Variants in INPP5A observed in about 807,000 individuals in gnomAD.
INPP5A encodes the protein inositol polyphosphate-5-phosphatase A, also known as 43 kDa inositol polyphosphate 5-phophatase.
In INPP5A, 14 loss-of-function variants were observed where a neutral mutation model predicts 65.2. That is an observed-to-expected ratio of 0.21 (90% confidence interval 0.14 to 0.34). The LOEUF (loss-of-function observed/expected upper bound fraction) is 0.34, where lower values mean the gene tolerates loss of function less well. Ranked by LOEUF, INPP5A falls within the 10% of genes least tolerant of loss-of-function variation. INPP5A has a pLI of 1.00. For synonymous variants in INPP5A, 207 were observed against 208.3 expected (o/e 0.99, Z 0.05); for missense variants, 431 against 545.6 (o/e 0.79, Z 2.09).
At chr10:132,619,396 C>T (rs1449179591) in intron 2 of INPP5A, among the ~76,000 whole-genome samples, 3 of 152,210 alleles carry the variant, frequency 2.0e-5, no homozygotes, top group African/African-American at 7.2e-5. Flanking sequence ...ATGGCCTTGA[C>T]CAGCTCTGCC....
chr10:132,662,446 T>C (rs147739416), intron 4 of INPP5A, among the ~76,000 whole-genome samples: 144 of 152,324 alleles, frequency 9.5e-4, no homozygotes, highest in African/African-American at 3.3e-3. Flanking sequence ...CACCGTGGTG[T>C]GTCAGCTGTC....
rs1328141107 is a variant in INPP5A, at chr10:132,616,880, G to A, written c.117+8924G>A. On this transcript the variant is annotated intron_variant, in intron 2 of 15. Coordinates refer to ENST00000368594, the MANE Select transcript of INPP5A (RefSeq NM_005539.5). The surrounding 1 kb of genome is among the most constrained non-coding windows in gnomAD (Gnocchi z 4.9). ...CAGGAGCTCCTGGGCAGTCTGTTCT[G>A]GGAGTGAGGATGTTTGGGGGTTGTG... Among the ~76,000 whole-genome samples the A allele has an allele frequency of 6.6e-6, 1 of 152,084 alleles. No homozygotes were observed. The highest frequency in any genetic ancestry group is 6.5e-5 in the Admixed American group (1 of 15,276).
intron 5 of INPP5A, among the ~76,000 whole-genome samples, chr10:132,695,254 A>G (rs1845327616): frequency 6.6e-6 from 1 of 152,206 alleles, no homozygotes; most frequent in African/African-American, 2.4e-5. Context: ...TCACATGATC[A>G]TAGGATAGAT....
chr10:132,685,628 A>G (rs188546149), intron 4 of INPP5A, among the ~76,000 whole-genome samples: 3 of 152,380 alleles, frequency 2.0e-5, no homozygotes, highest in African/African-American at 4.8e-5. Flanking sequence ...GGCATTTCCA[A>G]TGGCAGCTTT....
At chr10:132,695,502 A>T (rs926194594) in intron 5 of INPP5A, among the ~76,000 whole-genome samples, 17 of 152,232 alleles carry the variant, frequency 1.1e-4, no homozygotes, top group Admixed American at 6.5e-5. Flanking sequence ...ATAATGTAAT[A>T]AGACAAGAAA....
At chr10:132,714,345 C>G (rs962150087) in intron 8 of INPP5A, among the ~76,000 whole-genome samples, 1 of 152,208 alleles carries the variant, frequency 6.6e-6, no homozygotes, top group Admixed American at 6.5e-5. Flanking sequence ...GCCCTTTCAC[C>G]GCGGCTGCTA....
chr10:132,553,812 G>T (rs1426764565), intron 1 of INPP5A, among the ~76,000 whole-genome samples: 2 of 147,688 alleles, frequency 1.4e-5, no homozygotes, highest in African/African-American at 5.0e-5. Flanking sequence ...GAGCCTTGGT[G>T]GAATATTGGG....
intron 1 of INPP5A, among the ~76,000 whole-genome samples, chr10:132,581,947 C>T (rs1350912403): frequency 1.3e-5 from 2 of 152,052 alleles, no homozygotes; most frequent in African/African-American, 2.4e-5. Context: ...ATGCCATTCT[C>T]CTGCCTCAGC....
At chr10:132,632,021 T>C (rs2072281836) in intron 2 of INPP5A, among the ~76,000 whole-genome samples, 1 of 152,218 alleles carries the variant, frequency 6.6e-6, no homozygotes, top group Non-Finnish European at 1.5e-5. Flanking sequence ...CTCAGACTCG[T>C]GGGTGGAGAT....
rs147741795 is a variant in INPP5A, at chr10:132,727,883, C to T, written c.732+978C>T. On this transcript the variant is annotated intron_variant, in intron 9 of 15. Transcript: ENST00000368594. This position sits in a 1 kb window ranked among gnomAD's most constrained non-coding sequence, Gnocchi z 6.5. ...TGAGTTGGATGGGAACACGGTGAGT[C>T]GAACGGGGACATGGCGGTCCCCGAG... is the stretch of plus-strand genomic sequence containing the variant. Among the ~76,000 whole-genome samples the T allele has an allele frequency of 3.3e-5, 5 of 152,210 alleles. No individual in the cohort carries two copies. Among genetic ancestry groups the T allele is most frequent in the Admixed American group, 6.5e-5 (1 of 15,286 alleles).
chr10:132,620,958 G>T (rs948129971), intron 2 of INPP5A, among the ~76,000 whole-genome samples: 1 of 152,180 alleles, frequency 6.6e-6, no homozygotes, highest in Non-Finnish European at 1.5e-5. Flanking sequence ...ATGCAAGCCT[G>T]GTTTAACATT....
intron 8 of INPP5A, among the ~76,000 whole-genome samples, chr10:132,720,958 G>A (rs1160686074): frequency 5.0e-5 from 7 of 141,412 alleles, no homozygotes; most frequent in East Asian, 4.7e-4. Flanking sequence ...CGCCTTAGAC[G>A]GCTGTCTTGC....
At chr10:132,561,685 CA>C (rs1197499826) in intron 1 of INPP5A, among the ~76,000 whole-genome samples, 1 of 149,982 alleles carries the variant, frequency 6.7e-6, no homozygotes, top group African/African-American at 2.5e-5. Context: ...GGTGTCCTTC[CA>C]TTTCTGTTTT....
At chr10:132,568,967 G>A (rs543542635) in intron 1 of INPP5A, among the ~76,000 whole-genome samples, 12 of 146,550 alleles carry the variant, frequency 8.2e-5, no homozygotes, top group Admixed American at 2.1e-4. Flanking sequence ...CCAGGCTGGA[G>A]TGCGATGGCA....
At position 132,550,278 on chromosome 10, in the gene INPP5A, G is replaced by T. The variant is rs1459457342; in HGVS notation, c.75+12107G>T. Among the ~76,000 whole-genome samples, 1 of 152,218 alleles carries T rather than the reference G, an allele frequency of 6.6e-6. No individual in the cohort carries two copies. Among genetic ancestry groups the T allele is most frequent in the East Asian group, 1.9e-4 (1 of 5,202 alleles). ...TTAATTCACTTCACCCAGCCTCTCA[G>T]GGATGTAATGAGGCTGCTCGGGGGG... On this transcript the variant is annotated intron_variant, in intron 1 of 15. Coordinates refer to ENST00000368594, the MANE Select transcript of INPP5A (RefSeq NM_005539.5). The surrounding 1 kb of genome is among the most constrained non-coding windows in gnomAD (Gnocchi z 4.2).
At chr10:132,714,077 G>A (rs1455475019) in intron 8 of INPP5A, among the ~76,000 whole-genome samples, 1 of 152,210 alleles carries the variant, frequency 6.6e-6, no homozygotes, top group South Asian at 2.1e-4. Flanking sequence ...GCCCTGCCGT[G>A]TCTGCTGTTG....
intron 4 of INPP5A, among the ~76,000 whole-genome samples, chr10:132,687,903 G>A (rs1299793297): frequency 6.6e-6 from 1 of 152,240 alleles, no homozygotes; most frequent in Non-Finnish European, 1.5e-5. Context: ...TTGCCAGCCG[G>A]CCTCTCTTTT....
At chr10:132,746,161 G>C (rs1233169789) in intron 9 of INPP5A, among the ~76,000 whole-genome samples, 1 of 152,268 alleles carries the variant, frequency 6.6e-6, no homozygotes, top group Non-Finnish European at 1.5e-5. Context: ...ATTCCAGGTA[G>C]AGAGTGGAGC....
At chr10:132,690,291 T>G in intron 4 of INPP5A, 101 bp from the exon 5 acceptor site, 2 of 794,406 alleles carry the variant, frequency 2.5e-6, no homozygotes, top group Non-Finnish European at 4.3e-6. Context: ...GTGAAACTCT[T>G]GCTCTAGCTA....
Sources: allele counts gnomAD v4.1 joint callset (sites outside exome capture counted in the v4.1 genomes callset), GRCh38; gene constraint gnomAD v4.1.1; non-coding constraint Gnocchi (gnomAD v3.1); transcripts MANE v1.5; gene names NCBI Gene and HGNC (gene_info 2026-07-23, HGNC 2026-07-21).